Variants in RAB7B observed in about 807,000 individuals in gnomAD.
The protein encoded by RAB7B is RAB7B, member RAS oncogene family, also known as ras-related protein Rab-7b.
intron 4 of RAB7B, among the ~76,000 whole-genome samples, chr1:205,988,193 A>G (rs1210874383): frequency 6.7e-6 from 1 of 148,236 alleles, no homozygotes; most frequent in Non-Finnish European, 1.5e-5. Flanking sequence ...ATATGTATGT[A>G]TATGTGTGTA....
At position 205,976,950 on chromosome 1, in the gene RAB7B, T is replaced by A. The variant is rs1357013946; in HGVS notation, c.*1901A>T. 6.6e-6 allele frequency: 1 copy of A among 152,198 alleles called. No individual in the cohort carries two copies. The highest frequency in any genetic ancestry group is 1.5e-5 in the Non-Finnish European group (1 of 68,058). 9.4% of individuals were successfully genotyped at this position (152,198 alleles called of 1,614,324 possible). On this transcript the variant is annotated 3_prime_UTR_variant, in exon 6 of 6. Coordinates refer to ENST00000617070, the MANE Select transcript of RAB7B (RefSeq NM_001164522.3). Reference sequence around the variant, plus strand: ...CTCTGAAGGACACAGATAGAGCTTGTGCTCTAGGCTGCCCCCCTGTTCCCG... The same window carrying A: ...CTCTGAAGGACACAGATAGAGCTTGAGCTCTAGGCTGCCCCCCTGTTCCCG...
chr1:206,000,819 AC>A (rs1660879557), intron 1 of RAB7B, among the ~76,000 whole-genome samples: 1 of 152,090 alleles, frequency 6.6e-6, no homozygotes, highest in African/African-American at 2.4e-5. Flanking sequence ...GCCAAGCACC[AC>A]CCTGTGCTTG....
intron 1 of RAB7B, among the ~76,000 whole-genome samples, chr1:206,001,792 G>A (rs1211661777): frequency 6.6e-6 from 1 of 152,132 alleles, no homozygotes; most frequent in African/African-American, 2.4e-5. Context: ...AGCCCCTGTG[G>A]AGTAAGAAGG....
In RAB7B at chr1:205,992,104, C is replaced by T. The variant is rs905201483; in HGVS notation, c.396+376G>A. Among the ~76,000 whole-genome samples the T allele has an allele frequency of 4.6e-5, 7 of 152,308 alleles. No homozygotes were observed. In the East Asian group the frequency reaches 1.2e-3, roughly 25 times the overall value. ...ACCTCCCTCCTGCCTACATCTGATG[C>T]CTTAACTCCTCCTTTCCCTGTCTCT... On this transcript the variant is annotated intron_variant, in intron 4 of 5. Transcript: ENST00000617070.
chr1:205,986,077 C>T (rs1396490739), intron 4 of RAB7B, among the ~76,000 whole-genome samples: 2 of 152,218 alleles, frequency 1.3e-5, no homozygotes, highest in African/African-American at 4.8e-5. Flanking sequence ...AACATTGCCT[C>T]TTTTGTCAGT....
intron 1 of RAB7B, among the ~76,000 whole-genome samples, chr1:205,998,837 T>TA (rs1455917209): frequency 6.6e-6 from 1 of 152,264 alleles, no homozygotes; most frequent in African/African-American, 2.4e-5. Flanking sequence ...CATATTGTGA[T>TA]ACATTTACTG....
intron 5 of RAB7B, among the ~76,000 whole-genome samples, chr1:205,982,965 C>A (rs1660522698): frequency 6.6e-6 from 1 of 152,208 alleles, no homozygotes; most frequent in Non-Finnish European, 1.5e-5. Context: ...GTTTCTCCTG[C>A]AAATTTCTAA....
intron 4 of RAB7B, among the ~76,000 whole-genome samples, chr1:205,989,640 C>T (rs1660682774): frequency 6.6e-6 from 1 of 152,124 alleles, no homozygotes; most frequent in Non-Finnish European, 1.5e-5. Flanking sequence ...GGCCCTTCCT[C>T]CTGCTGCCCT....
chr1:205,999,173 G>A lies in RAB7B; in HGVS notation c.-17+4080C>T, dbSNP rs1033716458. ...ATGGGTGAGGGTTTGATGCAGGGAGGCCAGCGGCGTGCTTAGGAAGGGAAA... is the reference window on the plus strand; with the variant it reads ...ATGGGTGAGGGTTTGATGCAGGGAGACCAGCGGCGTGCTTAGGAAGGGAAA... On this transcript the variant is annotated intron_variant, in intron 1 of 5. Coordinates refer to ENST00000617070, the MANE Select transcript of RAB7B (RefSeq NM_001164522.3). 1.3e-5 allele frequency among the ~76,000 whole-genome samples: 2 copies of A among 152,162 alleles called. 1 individual carries two copies. Among genetic ancestry groups the A allele is most frequent in the Admixed American group, 1.3e-4 (2 of 15,282 alleles).
chr1:205,977,070 C>G lies in RAB7B; in HGVS notation c.*1781G>C, dbSNP rs1660392721. 1.3e-5 allele frequency: 2 copies of G among 152,326 alleles called. No homozygotes were observed. The highest frequency in any genetic ancestry group is 4.8e-5 in the African/African-American group (2 of 41,452). 9.4% of individuals were successfully genotyped at this position (152,326 alleles called of 1,614,324 possible). A position where few individuals can be genotyped will look rare whatever the true frequency, so the allele number is the denominator to read the frequency against. The stretch of plus-strand genomic sequence containing the variant: ...TCCCAAACTCCCCTGCTGACCTCCC[C>G]CCGGCCCCTAGGTGTACCTTCCAAG... On this transcript the variant is annotated 3_prime_UTR_variant, in exon 6 of 6. Transcript: ENST00000617070.
intron 4 of RAB7B, among the ~76,000 whole-genome samples, chr1:205,987,576 C>T (rs1660633592): frequency 6.6e-6 from 1 of 152,100 alleles, no homozygotes; most frequent in African/African-American, 2.4e-5. Context: ...ACCATTAAAC[C>T]ATCACTAAGA....
intron 1 of RAB7B, among the ~76,000 whole-genome samples, chr1:205,995,205 T>C (rs1287508182): frequency 5.9e-5 from 9 of 152,078 alleles, no homozygotes; most frequent in African/African-American, 2.2e-4. Context: ...CATGTGTACA[T>C]ATGTAATAAA....
intron 4 of RAB7B, among the ~76,000 whole-genome samples, chr1:205,988,230 GTTT>G (rs1175381025): frequency 4.5e-4 from 19 of 42,056 alleles, no homozygotes; most frequent in African/African-American, 7.1e-4. Flanking sequence ...GTGTGTGTGG[GTTT>G]TTTTTTTTTT....
chr1:205,985,303 A>G (rs1660570852), intron 5 of RAB7B, among the ~76,000 whole-genome samples: 1 of 152,194 alleles, frequency 6.6e-6, no homozygotes, highest in Non-Finnish European at 1.5e-5. Flanking sequence ...TTGGTTAGTT[A>G]GCTGGATTGA....
At position 205,977,605 on chromosome 1, in the gene RAB7B, A is replaced by C. The variant is rs1660407193; in HGVS notation, c.*1246T>G. On this transcript the variant is annotated 3_prime_UTR_variant, in exon 6 of 6. Coordinates refer to ENST00000617070, the MANE Select transcript of RAB7B (RefSeq NM_001164522.3). ...GTGGTCAGGCAGCAGAGCATCTAGGAGCCACCCAAGGGAGCTGGGTCCCCT... is the reference window on the plus strand; with the variant it reads ...GTGGTCAGGCAGCAGAGCATCTAGGCGCCACCCAAGGGAGCTGGGTCCCCT... The C allele has an allele frequency of 6.6e-6, 1 of 152,174 alleles. No individual in the cohort carries two copies. Among genetic ancestry groups the C allele is most frequent in the South Asian group, 2.1e-4 (1 of 4,830 alleles). The allele number at this position is 152,174 out of a possible 1,614,324, so 9.4% of individuals were successfully genotyped here.
At chr1:205,994,540 A>G in intron 1 of RAB7B, 1 of 155,392 alleles carries the variant, frequency 6.4e-6, no homozygotes, top group Non-Finnish European at 1.4e-5. Flanking sequence ...GGGCAGGACA[A>G]GGGTTCCATT....
intron 1 of RAB7B, among the ~76,000 whole-genome samples, chr1:205,995,864 A>G (rs1335859134): frequency 6.6e-6 from 1 of 152,190 alleles, no homozygotes; most frequent in Non-Finnish European, 1.5e-5. Flanking sequence ...TTCCTAATAG[A>G]GTTTATATTA....
intron 4 of RAB7B, among the ~76,000 whole-genome samples, chr1:205,986,625 G>A (rs1043170877): frequency 1.7e-4 from 26 of 152,214 alleles, no homozygotes; most frequent in Middle Eastern, 6.3e-3. Flanking sequence ...AAGTGCAAAC[G>A]GCGTTCAATT....
At chr1:205,997,616 A>ATGTGG (rs1438443145) in intron 1 of RAB7B, among the ~76,000 whole-genome samples, 1 of 151,420 alleles carries the variant, frequency 6.6e-6, no homozygotes, top group Admixed American at 6.6e-5. Flanking sequence ...ATATTCCAAC[A>ATGTGG]AAGAAGGCAA....
Sources: gnomAD v4.1 joint callset for allele counts (sites outside exome capture counted in the v4.1 genomes callset) on GRCh38, gnomAD v4.1.1 for gene constraint, MANE v1.5 for transcripts, NCBI Gene and HGNC (gene_info 2026-07-23, HGNC 2026-07-21) for gene names.